Variants in CLVS1 observed in about 807,000 individuals in gnomAD.
CLVS1 encodes clavesin-1.
CLVS1 carries 10 observed loss-of-function variants against 33.1 expected under a neutral mutation model. The observed-to-expected ratio is 0.30, with a 90% confidence interval of 0.19 to 0.51. The LOEUF (loss-of-function observed/expected upper bound fraction) is 0.51, where lower values mean the gene tolerates loss of function less well. Ranked by LOEUF, CLVS1 falls within the 20% of genes least tolerant of loss-of-function variation. The probability of loss-of-function intolerance (pLI) is 0.97; values close to 1 mark genes in which losing one functional copy is unlikely to be tolerated. For synonymous variants in CLVS1, 163 were observed against 166.1 expected (o/e 0.98, Z 0.14); for missense variants, 343 against 433.4 (o/e 0.79, Z 1.85).
the CLVS1 span, among the ~76,000 whole-genome samples, chr8:61,024,337 G>A: frequency 6.6e-6 from 1 of 152,112 alleles, no homozygotes; most frequent in East Asian, 1.9e-4. Context: ...TCAGACAATG[G>A]CAGTGTGTGT....
chr8:61,022,946 G>T, the CLVS1 span, among the ~76,000 whole-genome samples: 1 of 152,182 alleles, frequency 6.6e-6, no homozygotes, highest in Non-Finnish European at 1.5e-5. Flanking sequence ...AGAATGTGAC[G>T]GCTGCATTTT....
At chr8:60,986,702 A>T in the CLVS1 span, among the ~76,000 whole-genome samples, 1 of 152,246 alleles carries the variant, frequency 6.6e-6, no homozygotes, top group Admixed American at 6.5e-5. Context: ...ATTTATGTAT[A>T]TGCTTGCTAA....
At chr8:60,973,688 C>T in the CLVS1 span, among the ~76,000 whole-genome samples, 17 of 152,044 alleles carry the variant, frequency 1.1e-4, no homozygotes, top group African/African-American at 4.1e-4. Flanking sequence ...TGGCATGCTT[C>T]TGCTGTCTTG....
the CLVS1 span, among the ~76,000 whole-genome samples, chr8:60,978,468 A>G: frequency 6.6e-6 from 1 of 152,228 alleles, no homozygotes; most frequent in African/African-American, 2.4e-5. Flanking sequence ...TGTTGAAACT[A>G]GGTTGTAATA....
intron 2 of CLVS1, among the ~76,000 whole-genome samples, chr8:61,274,937 A>C (rs980896666): frequency 9.2e-5 from 14 of 152,200 alleles, no homozygotes; most frequent in African/African-American, 3.4e-4. Context: ...CTAAATAAAT[A>C]ATTTATGGGA....
At chr8:61,367,974 A>G (rs935842403) in intron 2 of CLVS1, among the ~76,000 whole-genome samples, 2 of 152,264 alleles carry the variant, frequency 1.3e-5, no homozygotes, top group East Asian at 1.9e-4. Context: ...AAAAGAAGAC[A>G]TCGAATAGTA....
At chr8:61,446,028 G>T (rs977899048) in intron 3 of CLVS1, among the ~76,000 whole-genome samples, 1 of 152,038 alleles carries the variant, frequency 6.6e-6, no homozygotes. Flanking sequence ...CCTAATGTTG[G>T]TAATTTGTGA....
chr8:61,175,565 G>T (rs189269233), intron 2 of CLVS1, among the ~76,000 whole-genome samples: 1 of 152,132 alleles, frequency 6.6e-6, no homozygotes, highest in Non-Finnish European at 1.5e-5. Context: ...TTAAGATGAC[G>T]TCACCCTGGA....
Position 61,071,709 on chromosome 8 carries a change from C to T in CLVS1, c.-243+14479C>T, listed in dbSNP as rs1295010731. 1.3e-5 allele frequency among the ~76,000 whole-genome samples: 2 copies of T among 152,308 alleles called. 1 individual carries two copies. The highest frequency in any genetic ancestry group is 6.8e-3 in the Middle Eastern group (2 of 294). On this transcript the variant is annotated intron_variant, in intron 1 of 2. Coordinates refer to the CLVS1 transcript ENST00000522621. ...CCAAATTTCACCTGCCCTTTTCCTA[C>T]CCAGTCACATATCTTTGTAACACTT...
chr8:61,411,206 A>G (rs534920208), intron 3 of CLVS1, among the ~76,000 whole-genome samples: 2 of 152,366 alleles, frequency 1.3e-5, no homozygotes, highest in South Asian at 4.2e-4. Context: ...CATAAAGGAC[A>G]TAAGGAAAAA....
At chr8:61,208,671 C>T (rs980543330) in intron 2 of CLVS1, among the ~76,000 whole-genome samples, 1 of 83,564 alleles carries the variant, frequency 1.2e-5, no homozygotes, top group Non-Finnish European at 1.9e-5. Flanking sequence ...TCACTGTAAC[C>T]TCTGCCTCCA....
intron 1 of CLVS1, among the ~76,000 whole-genome samples, chr8:61,296,828 G>A (rs1390646525): frequency 6.6e-6 from 1 of 152,128 alleles, no homozygotes; most frequent in Non-Finnish European, 1.5e-5. Context: ...AAGTCGCTCT[G>A]CCCATGGAGC....
chr8:61,078,624 A>G (rs1804967638), intron 1 of CLVS1, among the ~76,000 whole-genome samples: 1 of 152,156 alleles, frequency 6.6e-6, no homozygotes, highest in Non-Finnish European at 1.5e-5. Flanking sequence ...CTAATAATAA[A>G]TCTAACAAGT....
At chr8:61,277,512 G>A (rs1001673324) in intron 2 of CLVS1, among the ~76,000 whole-genome samples, 2 of 152,294 alleles carry the variant, frequency 1.3e-5, no homozygotes, top group Non-Finnish European at 1.5e-5. Context: ...TGGTCTATGG[G>A]TGAGTATAGG....
chr8:61,085,611 C>G (rs758848085), intron 1 of CLVS1, among the ~76,000 whole-genome samples: 43 of 151,716 alleles, frequency 2.8e-4, no homozygotes, highest in Non-Finnish European at 7.4e-5. Context: ...CATGACCTGG[C>G]GGAGTGCGGT....
intron 2 of CLVS1, among the ~76,000 whole-genome samples, chr8:61,315,877 C>G (rs1232290081): frequency 6.6e-6 from 1 of 152,168 alleles, no homozygotes; most frequent in African/African-American, 2.4e-5. Context: ...TATCCCTCCC[C>G]TAGCCCCCAA....
At chr8:61,376,268 C>G (rs7386996) in intron 2 of CLVS1, among the ~76,000 whole-genome samples, 86,572 of 152,040 alleles carry the variant, frequency 0.57, 28,985 homozygotes, top group Non-Finnish European at 0.73. Flanking sequence ...CATCAGAGCT[C>G]TGTGAGGGAG....
intron 2 of CLVS1, among the ~76,000 whole-genome samples, chr8:61,304,707 C>T (rs1382935018): frequency 1.3e-5 from 2 of 152,174 alleles, no homozygotes; most frequent in African/African-American, 4.8e-5. Flanking sequence ...TGCAGGCTTG[C>T]ACTTGGTCAT....
At chr8:61,264,259 T>C (rs1226789097) in intron 2 of CLVS1, among the ~76,000 whole-genome samples, 1 of 152,026 alleles carries the variant, frequency 6.6e-6, no homozygotes, top group East Asian at 1.9e-4. Context: ...TTGAAGACGC[T>C]GAATGTTCTA....
Sources: gnomAD v4.1 joint callset for allele counts (sites outside exome capture counted in the v4.1 genomes callset) on GRCh38, gnomAD v4.1.1 for gene constraint, MANE v1.5 for transcripts, NCBI Gene and HGNC (gene_info 2026-07-23, HGNC 2026-07-21) for gene names.